Variants in SPATA31F1 observed in about 807,000 individuals in gnomAD.
SPATA31F1 encodes protein SPATA31F1.
the SPATA31F1 span, chr9:34,725,883 C>T: frequency 4.8e-5 from 75 of 1,552,122 alleles, no homozygotes; most frequent in Non-Finnish European, 6.5e-5. Flanking sequence ...TTGGGGAGGC[C>T]TTGAGATCCC....
At chr9:34,727,973 A>G in the SPATA31F1 span, 1 of 1,524,936 alleles carries the variant, frequency 6.6e-7, no homozygotes, top group Non-Finnish European at 8.9e-7. Context: ...CCAAGAAATC[A>G]TCATAGGCCA....
the SPATA31F1 span, chr9:34,728,516 C>T: frequency 8.1e-7 from 1 of 1,239,980 alleles, no homozygotes; most frequent in East Asian, 2.5e-5. Flanking sequence ...AGTGGCAGAG[C>T]ACCTGGCTCT....
chr9:34,728,004 C>A, the SPATA31F1 span: 2 of 1,550,728 alleles, frequency 1.3e-6, no homozygotes, highest in Non-Finnish European at 1.7e-6. Flanking sequence ...TGATAGAGTG[C>A]AAAGAGCAAT....
chr9:34,727,591 G>T, the SPATA31F1 span, among the ~76,000 whole-genome samples: 2 of 152,186 alleles, frequency 1.3e-5, no homozygotes, highest in Admixed American at 6.5e-5. Flanking sequence ...ACCGGAGGAG[G>T]TCATGTCAGC....
At chr9:34,727,584 G>A in the SPATA31F1 span, among the ~76,000 whole-genome samples, 11 of 152,154 alleles carry the variant, frequency 7.2e-5, no homozygotes, top group African/African-American at 2.4e-4. Context: ...AGACAGAACC[G>A]GAGGAGGTCA....
the SPATA31F1 span, chr9:34,726,967 C>G: frequency 4.5e-6 from 7 of 1,548,188 alleles, no homozygotes; most frequent in African/African-American, 1.4e-5. Context: ...GCACACTTCT[C>G]TCCAGAGGAA....
chr9:34,729,436 C>A, the SPATA31F1 span: 1 of 1,543,670 alleles, frequency 6.5e-7, no homozygotes, highest in South Asian at 1.2e-5. Flanking sequence ...ATGGTCTAAA[C>A]TTCATTAGCA....
the SPATA31F1 span, chr9:34,724,775 G>T: frequency 1.3e-6 from 2 of 1,551,692 alleles, no homozygotes; most frequent in Non-Finnish European, 1.7e-6. Flanking sequence ...CAGAGGCTCT[G>T]CTGGGATTTC....
chr9:34,725,206 G>A, the SPATA31F1 span: 1 of 1,486,716 alleles, frequency 6.7e-7, no homozygotes, highest in Non-Finnish European at 9.2e-7. Flanking sequence ...AGTCGATGTG[G>A]CTCTGCAGTA....
At chr9:34,723,768 C>T in the SPATA31F1 span, 23 of 1,551,586 alleles carry the variant, frequency 1.5e-5, no homozygotes, top group Admixed American at 7.8e-5. Flanking sequence ...ACAGTCTGGG[C>T]ATTCTCAGGA....
At chr9:34,726,996 G>A in the SPATA31F1 span, 1 of 1,542,420 alleles carries the variant, frequency 6.5e-7, no homozygotes, top group Non-Finnish European at 8.8e-7. Flanking sequence ...TGGCTAGGAA[G>A]GGAAACACGG....
the SPATA31F1 span, chr9:34,723,458 A>G: frequency 1.3e-6 from 2 of 1,551,646 alleles, no homozygotes; most frequent in Non-Finnish European, 1.7e-6. Context: ...ACTTCTCCCC[A>G]CAGGGCTCTT....
At chr9:34,725,924 A>G in the SPATA31F1 span, 1 of 1,551,830 alleles carries the variant, frequency 6.4e-7, no homozygotes, top group Non-Finnish European at 8.7e-7. Context: ...CTCACTGTGC[A>G]GAGAAGGGAG....
At chr9:34,728,670 C>A in the SPATA31F1 span, 1 of 1,551,252 alleles carries the variant, frequency 6.4e-7, no homozygotes, top group Non-Finnish European at 8.7e-7. Flanking sequence ...AAGACAAAAA[C>A]ATTAGAATGT....
chr9:34,724,957 C>A, the SPATA31F1 span: 27 of 1,551,568 alleles, frequency 1.7e-5, no homozygotes, highest in Admixed American at 5.1e-4. Context: ...AGACTCGGAG[C>A]AGCTTAGGGT....
the SPATA31F1 span, chr9:34,728,565 A>G: frequency 6.5e-7 from 1 of 1,540,014 alleles, no homozygotes; most frequent in Non-Finnish European, 8.8e-7. Context: ...TTCATGGGAA[A>G]CACCCACAGT....
At chr9:34,729,263 C>T in the SPATA31F1 span, 1 of 1,549,206 alleles carries the variant, frequency 6.5e-7, no homozygotes, top group Non-Finnish European at 8.7e-7. Flanking sequence ...TTAATTAGTT[C>T]AGTTGGGATC....
At chr9:34,725,069 A>G in the SPATA31F1 span, 1 of 1,551,882 alleles carries the variant, frequency 6.4e-7, no homozygotes, top group Non-Finnish European at 8.7e-7. Flanking sequence ...TGCTGTCTGC[A>G]GTTCCAGGAA....
At chr9:34,725,765 G>T in the SPATA31F1 span, 1 of 1,549,794 alleles carries the variant, frequency 6.5e-7, no homozygotes, top group Admixed American at 2.0e-5. Context: ...GGAAAGTGGG[G>T]AAGAGGGTGG....
Sources: gnomAD v4.1 joint callset for allele counts (sites outside exome capture counted in the v4.1 genomes callset) on GRCh38, gnomAD v4.1.1 for gene constraint, MANE v1.5 for transcripts, NCBI Gene and HGNC (gene_info 2026-07-23, HGNC 2026-07-21) for gene names.